TMPRSS11F: variants seen among roughly 807,000 people sequenced by gnomAD.
TMPRSS11F encodes the protein transmembrane protease serine 11F.
Under a neutral mutation model 60.2 loss-of-function variants are expected in TMPRSS11F, and 47 were observed. The observed-to-expected ratio is 0.78, with a 90% CI of 0.62 to 1.00. TMPRSS11F has a LOEUF of 1.00. Ranked by LOEUF, TMPRSS11F falls within the 50% of genes least tolerant of loss-of-function variation. The probability of loss-of-function intolerance (pLI) is 0.00; values close to 1 mark genes in which losing one functional copy is unlikely to be tolerated. For synonymous variants in TMPRSS11F, 166 were observed against 167.3 expected, an observed-to-expected ratio of 0.99 and a Z score of 0.06; for missense variants, 519 against 522.9, an observed-to-expected ratio of 0.99 and a Z score of 0.07.
intron 3 of TMPRSS11F, among the ~76,000 whole-genome samples, chr4:68,088,539 G>A (rs887941092): frequency 2.0e-5 from 3 of 151,760 alleles, no homozygotes; most frequent in East Asian, 3.9e-4. Context: ...TGCACCAAGC[G>A]GACCTAACAG....
intron 3 of TMPRSS11F, among the ~76,000 whole-genome samples, chr4:68,078,455 G>A (rs530910423): frequency 7.2e-5 from 11 of 152,180 alleles, no homozygotes; most frequent in African/African-American, 2.7e-4. Context: ...TTATCACACT[G>A]GTTTACAATA....
rs1184323991 is a variant in TMPRSS11F at position 68,068,732 on chromosome 4, A to G, written c.641T>C (p.Met214Thr). ...QRIVQGRETA[M>T]EGEWPWQASL... The stretch of plus-strand genomic sequence containing the variant: ...GGCCTGCCATGGCCATTCCCCTTCC[A>G]TAGCTGTTTCCCTTCCTTGGACAAT... The change falls in exon 7 of 10, where the codon ATG becomes ACG. Residue 214 changes from methionine to threonine, a missense_variant. Transcript: ENST00000356291. The G allele has an allele frequency of 2.5e-6, 4 of 1,614,102 alleles. No homozygotes were observed. Among genetic ancestry groups the G allele is most frequent in the Admixed American group, 3.3e-5 (2 of 60,010 alleles).
At chr4:68,080,993 T>G (rs766443458) in intron 3 of TMPRSS11F, 2 of 152,338 alleles carry the variant, frequency 1.3e-5, no homozygotes, top group Admixed American at 6.5e-5. Flanking sequence ...ATTTTTTGTC[T>G]CTAAAGAAGT....
intron 1 of TMPRSS11F, among the ~76,000 whole-genome samples, chr4:68,119,876 G>C (rs1261821167): frequency 6.6e-6 from 1 of 152,108 alleles, no homozygotes; most frequent in Non-Finnish European, 1.5e-5. Context: ...ACCTCTCATA[G>C]TAGTAACTGA....
At chr4:68,058,816 A>G (rs1334338077) in intron 9 of TMPRSS11F, among the ~76,000 whole-genome samples, 1 of 152,198 alleles carries the variant, frequency 6.6e-6, no homozygotes, top group Non-Finnish European at 1.5e-5. Flanking sequence ...GTCAAAAAGG[A>G]AGATGCAAAT....
At chr4:68,110,370 C>T (rs1724388346) in intron 1 of TMPRSS11F, among the ~76,000 whole-genome samples, 1 of 152,276 alleles carries the variant, frequency 6.6e-6, no homozygotes, top group Admixed American at 6.5e-5. Context: ...AGACCTCTTC[C>T]TCCCCAGTGT....
chr4:68,085,833 A>G (rs941892803), intron 3 of TMPRSS11F, among the ~76,000 whole-genome samples: 1 of 152,208 alleles, frequency 6.6e-6, no homozygotes, highest in Non-Finnish European at 1.5e-5. Context: ...AGACTCAGCC[A>G]TCCAAAATAT....
chr4:68,062,505 T>C (rs776919702), intron 8 of TMPRSS11F: 2 of 714,752 alleles, frequency 2.8e-6, no homozygotes, highest in Non-Finnish European at 5.3e-6. Context: ...TAATTAGAAA[T>C]ATGCTGCATT....
intron 3 of TMPRSS11F, among the ~76,000 whole-genome samples, chr4:68,090,129 G>A (rs549009301): frequency 6.6e-5 from 10 of 152,040 alleles, no homozygotes; most frequent in South Asian, 6.2e-4. Context: ...GCTATACCAC[G>A]TCCTTTTATA....
At chr4:68,061,039 T>C (rs1199311568) in intron 8 of TMPRSS11F, among the ~76,000 whole-genome samples, 1 of 145,468 alleles carries the variant, frequency 6.9e-6, no homozygotes, top group Non-Finnish European at 1.5e-5. Flanking sequence ...AAAGAAACTA[T>C]TTTTAATATA....
intron 4 of TMPRSS11F, among the ~76,000 whole-genome samples, 199 bp from the exon 5 acceptor site, chr4:68,072,685 G>A (rs1193870592): frequency 6.6e-6 from 1 of 152,034 alleles, no homozygotes; most frequent in Non-Finnish European, 1.5e-5. Flanking sequence ...AAGAAATAAA[G>A]ACAACATTCT....
At chr4:68,089,975 C>G (rs1046788496) in intron 3 of TMPRSS11F, among the ~76,000 whole-genome samples, 1 of 152,086 alleles carries the variant, frequency 6.6e-6, no homozygotes, top group Admixed American at 6.6e-5. Flanking sequence ...AGACTATTCT[C>G]TTTGCCTTTC....
At chr4:68,116,489 A>C (rs1426494787) in intron 1 of TMPRSS11F, among the ~76,000 whole-genome samples, 1 of 152,210 alleles carries the variant, frequency 6.6e-6, no homozygotes, top group Non-Finnish European at 1.5e-5. Context: ...AAATAAAAAA[A>C]AAATCCTAAA....
At chr4:68,129,741 T>C (rs1342598932) in intron 1 of TMPRSS11F, 69 bp downstream of exon 1, 8 of 1,452,900 alleles carry the variant, frequency 5.5e-6, no homozygotes, top group Non-Finnish European at 7.7e-6. Context: ...ACATCTGTAC[T>C]ACCTGTCTCA....
intron 9 of TMPRSS11F, among the ~76,000 whole-genome samples, chr4:68,057,280 C>A (rs190177722): frequency 1.7e-3 from 215 of 127,214 alleles, no homozygotes; most frequent in African/African-American, 6.4e-3. Flanking sequence ...GCGAGACTGT[C>A]TCAAAAAAAA....
intron 1 of TMPRSS11F, among the ~76,000 whole-genome samples, chr4:68,100,187 T>C (rs1173562505): frequency 1.3e-5 from 2 of 152,138 alleles, no homozygotes; most frequent in Admixed American, 1.3e-4. Flanking sequence ...TCTCAATATA[T>C]GTTCAAGATT....
rs993715806 is a variant in TMPRSS11F at position 68,064,656 on chromosome 4, G to A, written c.1015+29C>T. 8 of 1,605,036 alleles carry A rather than the reference G, an allele frequency of 5.0e-6. No individual in the cohort carries two copies. In the Admixed American group the frequency reaches 5.1e-5, roughly 10 times the overall value. On this transcript the variant is annotated intron_variant, in intron 8 of 9. Coordinates refer to ENST00000356291, the MANE Select transcript of TMPRSS11F (RefSeq NM_207407.2). ...TCGTTTGATCTCAAGACATTCTTGT[G>A]CTAAGAAAATTAGGTTGAAACTGCT...
chr4:68,109,950 C>T (rs1403906955), intron 1 of TMPRSS11F, among the ~76,000 whole-genome samples: 1 of 152,172 alleles, frequency 6.6e-6, no homozygotes, highest in East Asian at 1.9e-4. Flanking sequence ...AAATTAAATG[C>T]AGTACACTCT....
intron 1 of TMPRSS11F, among the ~76,000 whole-genome samples, chr4:68,119,451 C>T (rs1376110262): frequency 1.3e-5 from 2 of 152,130 alleles, no homozygotes; most frequent in African/African-American, 4.8e-5. Context: ...CAAGTCAATG[C>T]CTAGCTTCAA....
Sources: allele counts gnomAD v4.1 joint callset (sites outside exome capture counted in the v4.1 genomes callset), GRCh38; gene constraint gnomAD v4.1.1; transcripts MANE v1.5; gene names NCBI Gene and HGNC (gene_info 2026-07-23, HGNC 2026-07-21).